DOCK5: variants seen among roughly 807,000 people sequenced by gnomAD.
DOCK5 encodes dedicator of cytokinesis 5, also known as dedicator of cytokinesis protein 5.
In DOCK5, 142 loss-of-function variants were observed where a neutral mutation model predicts 251.8. The ratio of observed to expected loss-of-function variants is 0.56; its 90% CI spans 0.49 to 0.65. The LOEUF (loss-of-function observed/expected upper bound fraction) is 0.65. Among genes scored for constraint, DOCK5 ranks in the 30% least tolerant of loss-of-function variants. DOCK5 has a pLI of 0.00. For missense variants in DOCK5, 2,111 were observed against 2,312.3 expected (o/e 0.91, Z 1.79); for synonymous variants, 842 against 835.5 (o/e 1.01, Z -0.13).
At chr8:25,292,796 C>G (rs533487706) in intron 6 of DOCK5, among the ~76,000 whole-genome samples, 2 of 152,182 alleles carry the variant, frequency 1.3e-5, no homozygotes, top group Non-Finnish European at 2.9e-5. Context: ...TTGACATTTT[C>G]AGATACTTGG....
In DOCK5 at chr8:25,377,295, T is replaced by G. The variant is rs1800979644; in HGVS notation, c.3817-10T>G. Reference sequence around the variant, plus strand: ...TGTATTAACCGTGTGTCGCTTTTCTTCCTTTTCAGTGGTCTGACAAGCCCT... The same window carrying G: ...TGTATTAACCGTGTGTCGCTTTTCTGCCTTTTCAGTGGTCTGACAAGCCCT... On this transcript the variant is annotated splice_polypyrimidine_tract_variant and intron_variant, in intron 37 of 51. Transcript: ENST00000276440. 1 of 1,603,756 alleles carries G rather than the reference T, an allele frequency of 6.2e-7. No homozygotes were observed. Among genetic ancestry groups the G allele is most frequent in the Non-Finnish European group, 8.5e-7 (1 of 1,175,978 alleles).
chr8:25,335,769 C>A (rs1805790517), intron 21 of DOCK5, among the ~76,000 whole-genome samples: 2 of 152,130 alleles, frequency 1.3e-5, no homozygotes, highest in Admixed American at 1.3e-4. Context: ...AGAGTGAGCT[C>A]CTCTTTCTTC....
intron 45 of DOCK5, among the ~76,000 whole-genome samples, chr8:25,397,489 CTTA>C (rs1317845673): frequency 6.6e-6 from 1 of 152,176 alleles, no homozygotes; most frequent in East Asian, 1.9e-4. Context: ...CTTCTGTAGC[CTTA>C]TTATACTCAG....
intron 13 of DOCK5, among the ~76,000 whole-genome samples, chr8:25,316,786 T>A (rs1338336401): frequency 6.6e-6 from 1 of 152,190 alleles, no homozygotes; most frequent in Non-Finnish European, 1.5e-5. Context: ...TACTACTTAA[T>A]TTTCTGTAAA....
In DOCK5 at chr8:25,411,245, C is replaced by T. The variant is rs1386240852; in HGVS notation, c.5560C>T (p.Pro1854Ser). ...AGAAGCCAAAGCACCACCCCCTCCA[C>T]CTCCAAAGGCTCGGAAGTCTGGCAT... ...RREAKAPPPP[P>S]PKARKSGIPT... The change falls in exon 52 of 52, where the codon CCT becomes TCT. Residue 1854 changes from proline (P) to serine (S), a missense_variant. Pro to Ser is a moderately conservative substitution (Grantham distance 74, BLOSUM62 -1). This residue lies in a region of DOCK5 where 1,717 missense variants were observed against 1,892.4 expected (regional missense o/e 0.91). Transcript: ENST00000276440. 6.3e-7 allele frequency: 1 copy of T among 1,590,734 alleles called. No homozygotes were observed. The highest frequency in any genetic ancestry group is 1.8e-5 in the Admixed American group (1 of 56,588).
intron 42 of DOCK5, among the ~76,000 whole-genome samples, chr8:25,390,883 A>T (rs1801245667): frequency 1.3e-5 from 2 of 151,728 alleles, no homozygotes; most frequent in African/African-American, 2.4e-5. Context: ...ATCTTGGCTC[A>T]CTGCAACTTC....
chr8:25,194,966 A>T (rs1801685444), intron 1 of DOCK5, among the ~76,000 whole-genome samples: 1 of 151,590 alleles, frequency 6.6e-6, no homozygotes, highest in African/African-American at 2.4e-5. Context: ...TGTCGCCCAG[A>T]CTGGAGTGTA....
chr8:25,267,787 T>G (rs1803801439), intron 2 of DOCK5, among the ~76,000 whole-genome samples: 1 of 152,158 alleles, frequency 6.6e-6, no homozygotes, highest in African/African-American at 2.4e-5. Context: ...AAAAATCTGT[T>G]TATGGACAGA....
At chr8:25,373,375 CTT>C (rs1186199937) in intron 35 of DOCK5, among the ~76,000 whole-genome samples, 4 of 152,128 alleles carry the variant, frequency 2.6e-5, no homozygotes, top group African/African-American at 4.8e-5. Context: ...AAAATGTAGT[CTT>C]TTATCCCTCA....
chr8:25,203,326 G>T (rs1219486401), intron 1 of DOCK5, among the ~76,000 whole-genome samples: 1 of 152,196 alleles, frequency 6.6e-6, no homozygotes, highest in Non-Finnish European at 1.5e-5. Flanking sequence ...GTGGCATCCA[G>T]TTTATCTTTG....
At chr8:25,395,307 C>T (rs1801327257) in intron 44 of DOCK5, among the ~76,000 whole-genome samples, 1 of 152,142 alleles carries the variant, frequency 6.6e-6, no homozygotes, top group South Asian at 2.1e-4. Flanking sequence ...GATGAAGCTT[C>T]CCTCACTTAC....
chr8:25,255,390 C>T (rs951200664), intron 2 of DOCK5, among the ~76,000 whole-genome samples: 2 of 151,580 alleles, frequency 1.3e-5, no homozygotes, highest in Non-Finnish European at 1.5e-5. Flanking sequence ...AATGAGTTAT[C>T]AAGCCATAAA....
chr8:25,384,455 A>ATTTTTTTTTTTTTTTTTTTT (rs1294643896), intron 40 of DOCK5, among the ~76,000 whole-genome samples: 1 of 45,212 alleles, frequency 2.2e-5, no homozygotes, highest in Non-Finnish European at 4.5e-5. Flanking sequence ...TTATTTATTT[A>ATTTTTTTTTTTTTTTTTTTT]TTTATTTATT....
intron 11 of DOCK5, 182 bp from the exon 12 acceptor site, chr8:25,308,601 C>T (rs1481385294): frequency 6.8e-6 from 5 of 737,538 alleles, no homozygotes; most frequent in Non-Finnish European, 1.0e-5. Flanking sequence ...CAAGTCATTT[C>T]CAAGGTGAAT....
At chr8:25,311,537 C>CT (rs1308855107) in intron 13 of DOCK5, among the ~76,000 whole-genome samples, 1 of 143,042 alleles carries the variant, frequency 7.0e-6, no homozygotes, top group Non-Finnish European at 1.5e-5. Flanking sequence ...GAGCAAAACT[C>CT]TGTCTCAAAA....
chr8:25,320,662 C>T (rs1292843481), intron 15 of DOCK5, among the ~76,000 whole-genome samples: 3 of 152,194 alleles, frequency 2.0e-5, no homozygotes, highest in African/African-American at 7.2e-5. Context: ...TATTTATACA[C>T]ATCTTGCAGT....
rs1346154472 is a variant in DOCK5, at chr8:25,413,639, A to G, written c.*2341A>G. ...AACCTCAAGGCTATCCTTCCAGAGC[A>G]GTAGAAATGAGTCCCACAGCCTGGT... On this transcript the variant is annotated 3_prime_UTR_variant, in exon 52 of 52. Coordinates refer to ENST00000276440, the MANE Select transcript of DOCK5 (RefSeq NM_024940.8). 2.0e-5 allele frequency: 3 copies of G among 152,260 alleles called. No individual in the cohort carries two copies. Among genetic ancestry groups the G allele is most frequent in the African/African-American group, 4.8e-5 (2 of 41,468 alleles). 9.4% of individuals were successfully genotyped at this position (152,260 alleles called of 1,614,324 possible). A position where few individuals can be genotyped will look rare whatever the true frequency, so the allele number is the denominator to read the frequency against.
At chr8:25,266,863 A>G (rs972388143) in intron 2 of DOCK5, among the ~76,000 whole-genome samples, 2 of 149,802 alleles carry the variant, frequency 1.3e-5, no homozygotes, top group African/African-American at 5.1e-5. Flanking sequence ...TTTTTCAACA[A>G]TGACAGGCTT....
chr8:25,345,498 C>T lies in DOCK5; in HGVS notation c.2641C>T (p.Leu881=), dbSNP rs780959313. ...AGAGTGCAGAGAAGTGCTGCTGCCACTGCTGACAGACCAGCTCAGCGGCCA... is the reference window on the plus strand; with the variant it reads ...AGAGTGCAGAGAAGTGCTGCTGCCATTGCTGACAGACCAGCTCAGCGGCCA... ...QSECREVLLP[L]LTDQLSGQLD... is the part of the protein sequence containing the mutation. The change falls in exon 26 of 52, where the codon CTG becomes TTG. Residue 881 remains leucine (L), a synonymous_variant. Transcript: ENST00000276440. The T allele has an allele frequency of 3.1e-6, 5 of 1,613,860 alleles. No homozygotes were observed. The South Asian group carries it at 5.5e-5, about 18-fold the overall frequency.
Sources: gnomAD v4.1 joint callset for allele counts (sites outside exome capture counted in the v4.1 genomes callset) on GRCh38, gnomAD v4.1.1 for gene constraint, gnomAD v4.1.1 regional missense constraint, MANE v1.5 for transcripts, NCBI Gene and HGNC (gene_info 2026-07-23, HGNC 2026-07-21) for gene names.